MDFIC2: variants seen among roughly 807,000 people sequenced by gnomAD.
MDFIC2 encodes the protein MyoD family inhibitor domain containing 2.
At chr3:70,284,468 A>G (rs548038432) in intron 2 of MDFIC2, among the ~76,000 whole-genome samples, 3 of 152,216 alleles carry the variant, frequency 2.0e-5, no homozygotes, top group African/African-American at 7.2e-5. Context: ...GAACCCATTT[A>G]CTCACACAGC....
chr3:70,222,803 C>T (rs1476824815), intron 2 of MDFIC2, among the ~76,000 whole-genome samples: 1 of 152,106 alleles, frequency 6.6e-6, no homozygotes, highest in Non-Finnish European at 1.5e-5. Context: ...AGAGTATTTC[C>T]TCCCTAAGAT....
intron 2 of MDFIC2, among the ~76,000 whole-genome samples, chr3:70,255,618 A>G (rs1418141926): frequency 6.6e-6 from 1 of 151,802 alleles, no homozygotes; most frequent in Non-Finnish European, 1.5e-5. Context: ...TGCACCACCA[A>G]GCCTGGCTAT....
intron 2 of MDFIC2, among the ~76,000 whole-genome samples, chr3:70,293,849 T>C (rs1702264885): frequency 6.6e-6 from 1 of 152,032 alleles, no homozygotes; most frequent in South Asian, 2.1e-4. Flanking sequence ...AGAATCAACT[T>C]ACCACTTTCA....
intron 2 of MDFIC2, among the ~76,000 whole-genome samples, chr3:70,275,072 G>C (rs1035927015): frequency 2.0e-5 from 3 of 152,138 alleles, no homozygotes; most frequent in African/African-American, 7.2e-5. Flanking sequence ...TAAGCCTGCA[G>C]CTGTTATTTA....
chr3:70,260,464 T>G (rs952807820), intron 2 of MDFIC2, among the ~76,000 whole-genome samples: 1 of 152,040 alleles, frequency 6.6e-6, no homozygotes, highest in African/African-American at 2.4e-5. Context: ...ATTTTTTACA[T>G]CCCCTCAGTT....
intron 2 of MDFIC2, among the ~76,000 whole-genome samples, chr3:70,278,438 T>A (rs796702038): frequency 2.0e-5 from 3 of 152,266 alleles, no homozygotes; most frequent in African/African-American, 7.2e-5. Flanking sequence ...TAGAAATAAT[T>A]GTAGAATGGG....
At chr3:70,197,659 T>C (rs1559532891) in intron 3 of MDFIC2, among the ~76,000 whole-genome samples, 1 of 152,232 alleles carries the variant, frequency 6.6e-6, no homozygotes, top group Non-Finnish European at 1.5e-5. Context: ...TTCCCATAAA[T>C]CTGCCACACC....
chr3:70,202,034 A>C (rs7428830), intron 3 of MDFIC2, among the ~76,000 whole-genome samples: 1 of 152,168 alleles, frequency 6.6e-6, no homozygotes, highest in Non-Finnish European at 1.5e-5. Flanking sequence ...CTGGCTAACC[A>C]CAGTGACTGT....
chr3:70,217,578 T>G (rs548726156), intron 2 of MDFIC2, among the ~76,000 whole-genome samples: 1 of 152,234 alleles, frequency 6.6e-6, no homozygotes, highest in African/African-American at 2.4e-5. Flanking sequence ...AGTGTCCAAT[T>G]TTTCCTAGAG....
intron 2 of MDFIC2, among the ~76,000 whole-genome samples, chr3:70,228,090 G>A (rs986523769): frequency 1.3e-5 from 2 of 151,882 alleles, no homozygotes; most frequent in African/African-American, 4.8e-5. Context: ...CACTACTACT[G>A]TTAAAATAAC....
At chr3:70,248,452 A>C (rs576298492) in intron 2 of MDFIC2, among the ~76,000 whole-genome samples, 2 of 152,068 alleles carry the variant, frequency 1.3e-5, no homozygotes, top group Non-Finnish European at 2.9e-5. Flanking sequence ...TGTAGGGTTC[A>C]GGGTAGAAAG....
At chr3:70,234,987 T>C (rs1701593908) in intron 2 of MDFIC2, among the ~76,000 whole-genome samples, 1 of 152,182 alleles carries the variant, frequency 6.6e-6, no homozygotes, top group Non-Finnish European at 1.5e-5. Context: ...TTAGCAACTG[T>C]GAAGATGATT....
At chr3:70,249,847 A>C (rs9863178) in intron 2 of MDFIC2, among the ~76,000 whole-genome samples, 1 of 152,170 alleles carries the variant, frequency 6.6e-6, no homozygotes, top group Non-Finnish European at 1.5e-5. Context: ...ATAAAATAAG[A>C]TGCTGAAATT....
intron 2 of MDFIC2, among the ~76,000 whole-genome samples, chr3:70,311,608 T>TAA (rs750077746): frequency 2.6e-5 from 4 of 152,140 alleles, no homozygotes; most frequent in Admixed American, 6.6e-5. Flanking sequence ...ACCTCACAGA[T>TAA]AATATAAGTC....
chr3:70,231,415 C>G (rs542769493), intron 2 of MDFIC2, among the ~76,000 whole-genome samples: 3 of 152,314 alleles, frequency 2.0e-5, no homozygotes, highest in African/African-American at 4.8e-5. Flanking sequence ...AGCTCTACCC[C>G]CAGAGCTCCC....
chr3:70,218,220 C>T (rs190819032), intron 2 of MDFIC2, among the ~76,000 whole-genome samples: 29 of 152,238 alleles, frequency 1.9e-4, no homozygotes, highest in Non-Finnish European at 2.9e-4. Context: ...GGTTAAAACA[C>T]TTATTTCTAT....
At chr3:70,231,710 C>CGGAGAGAAGAAATGGGACAA (rs1463355684) in intron 2 of MDFIC2, among the ~76,000 whole-genome samples, 1 of 152,010 alleles carries the variant, frequency 6.6e-6, no homozygotes, top group African/African-American at 2.4e-5. Flanking sequence ...CAGAGATACA[C>CGGAGAGAAGAAATGGGACAA]GGAGAGAAGA....
rs138239297 is a variant in MDFIC2 at position 70,195,310 on chromosome 3, T to C, written c.*1616A>G. ...AGCAGAAAGACTTTTTCATGGAAGG[T>C]GTGGGGCACTTTCATGCTCCGTGGT... On this transcript the variant is annotated 3_prime_UTR_variant, in exon 4 of 4. Coordinates refer to ENST00000567252, the MANE Select transcript of MDFIC2 (RefSeq NM_001364677.1). 6.6e-6 allele frequency among the ~76,000 whole-genome samples: 1 copy of C among 152,274 alleles called. No homozygotes were observed. Among genetic ancestry groups the C allele is most frequent in the Admixed American group, 6.5e-5 (1 of 15,302 alleles).
At chr3:70,246,393 G>T (rs1232583679) in intron 2 of MDFIC2, among the ~76,000 whole-genome samples, 1 of 151,978 alleles carries the variant, frequency 6.6e-6, no homozygotes, top group Non-Finnish European at 1.5e-5. Flanking sequence ...GACCAAGTAG[G>T]CTGCTTGGTA....
Sources: gnomAD v4.1 joint callset for allele counts (sites outside exome capture counted in the v4.1 genomes callset) on GRCh38, gnomAD v4.1.1 for gene constraint, MANE v1.5 for transcripts, NCBI Gene and HGNC (gene_info 2026-07-23, HGNC 2026-07-21) for gene names.